SNTB1: variants seen among roughly 807,000 people sequenced by gnomAD.
The protein encoded by SNTB1 is syntrophin beta 1, also known as beta-1-syntrophin.
Under a neutral mutation model 48.9 loss-of-function variants are expected in SNTB1, and 36 were observed. That is an observed-to-expected ratio of 0.74 (90% confidence interval 0.56 to 0.97). The LOEUF (loss-of-function observed/expected upper bound fraction) is 0.97. Among genes scored for constraint, SNTB1 ranks in the 50% least tolerant of loss-of-function variants. The pLI is 0.00. For missense variants in SNTB1, 786 were observed against 703.4 expected (o/e 1.12, Z -1.33); for synonymous variants, 299 against 294.6 (o/e 1.01, Z -0.15).
At chr8:120,736,357 C>T (rs1220253310) in intron 1 of SNTB1, among the ~76,000 whole-genome samples, 1 of 152,102 alleles carries the variant, frequency 6.6e-6, no homozygotes, top group Non-Finnish European at 1.5e-5. Context: ...AGGCCCAGGA[C>T]AAAAGTTGAT....
At chr8:120,743,008 G>C (rs1819066457) in intron 1 of SNTB1, among the ~76,000 whole-genome samples, 1 of 152,198 alleles carries the variant, frequency 6.6e-6, no homozygotes, top group African/African-American at 2.4e-5. Flanking sequence ...CAAGTGTGCA[G>C]AAGTAAGATA....
At chr8:120,699,746 A>G (rs1041471544) in intron 1 of SNTB1, among the ~76,000 whole-genome samples, 1 of 152,156 alleles carries the variant, frequency 6.6e-6, no homozygotes, top group Non-Finnish European at 1.5e-5. Context: ...TTTTTTCTTT[A>G]TTCTTGACAG....
At chr8:120,756,471 C>T (rs1819320011) in intron 1 of SNTB1, among the ~76,000 whole-genome samples, 1 of 152,034 alleles carries the variant, frequency 6.6e-6, no homozygotes, top group African/African-American at 2.4e-5. Flanking sequence ...ACAGAGTGGG[C>T]TTTGGGAGGG....
At chr8:120,625,842 A>C (rs79761490) in intron 3 of SNTB1, among the ~76,000 whole-genome samples, 1,796 of 152,290 alleles carry the variant, frequency 0.012, 41 homozygotes, top group African/African-American at 0.04. Context: ...TTCTATTTCT[A>C]TCTCTTATCA....
At chr8:120,810,368 T>C (rs754261034) in intron 1 of SNTB1, among the ~76,000 whole-genome samples, 43 of 152,184 alleles carry the variant, frequency 2.8e-4, no homozygotes, top group Admixed American at 1.1e-3. Flanking sequence ...AACATAGCCA[T>C]GAACAGTGCA....
Position 120,605,665 on chromosome 8 carries a change from A to G in SNTB1, c.996+26779T>C, listed in dbSNP as rs572982192. Among the ~76,000 whole-genome samples, 3 of 152,198 alleles carry G rather than the reference A, an allele frequency of 2.0e-5. No homozygotes were observed. In the South Asian group the frequency reaches 6.2e-4, roughly 32 times the overall value. ...TCAAAACTGAGATTTATATAATGGG[A>G]ACCTTCTGAAATGATGACCTCACAT... On this transcript the variant is annotated intron_variant, in intron 3 of 6. Transcript: ENST00000517992.
intron 3 of SNTB1, among the ~76,000 whole-genome samples, chr8:120,629,319 G>T (rs1184499361): frequency 6.6e-6 from 1 of 152,178 alleles, no homozygotes; most frequent in Non-Finnish European, 1.5e-5. Context: ...TTTTAAAAAG[G>T]AAGTTGTTGT....
At chr8:120,722,899 C>T (rs1258499169) in intron 1 of SNTB1, among the ~76,000 whole-genome samples, 2 of 152,058 alleles carry the variant, frequency 1.3e-5, no homozygotes, top group Non-Finnish European at 2.9e-5. Flanking sequence ...GTCTTTAATC[C>T]ATCTTGAATT....
chr8:120,796,078 T>TC (rs978193499), intron 1 of SNTB1, among the ~76,000 whole-genome samples: 5 of 151,902 alleles, frequency 3.3e-5, no homozygotes, highest in Non-Finnish European at 7.4e-5. Flanking sequence ...GGGGTAGATT[T>TC]CCCCTTGCTG....
chr8:120,673,628 C>T (rs1336409602), intron 2 of SNTB1, among the ~76,000 whole-genome samples: 1 of 151,950 alleles, frequency 6.6e-6, no homozygotes, highest in Non-Finnish European at 1.5e-5. Flanking sequence ...TCTGCTTGGG[C>T]TATGATGGAC....
At chr8:120,644,431 C>A (rs1342118328) in intron 2 of SNTB1, among the ~76,000 whole-genome samples, 1 of 150,470 alleles carries the variant, frequency 6.6e-6, no homozygotes, top group Non-Finnish European at 1.5e-5. Context: ...TTTGTTCTTG[C>A]GATAGTTTAC....
intron 1 of SNTB1, chr8:120,765,875 C>T (rs1476508063): frequency 2.0e-5 from 3 of 152,080 alleles, no homozygotes; most frequent in African/African-American, 7.2e-5. Context: ...GTTGGTTGAA[C>T]TGAAGGAGAG....
intron 1 of SNTB1, among the ~76,000 whole-genome samples, chr8:120,788,934 A>G (rs890457487): frequency 5.9e-5 from 9 of 152,100 alleles, no homozygotes; most frequent in Non-Finnish European, 1.3e-4. Context: ...GAACTTCAGA[A>G]TACACATTCT....
chr8:120,803,192 A>G (rs903091224), intron 1 of SNTB1, among the ~76,000 whole-genome samples: 1 of 152,184 alleles, frequency 6.6e-6, no homozygotes, highest in Non-Finnish European at 1.5e-5. Context: ...GTAGTCGTTT[A>G]TAAAAAAGTA....
chr8:120,594,096 C>T (rs1388187592), intron 3 of SNTB1, among the ~76,000 whole-genome samples: 1 of 151,990 alleles, frequency 6.6e-6, no homozygotes, highest in East Asian at 1.9e-4. Context: ...CAGGGTCTTG[C>T]TCTGTCACCC....
chr8:120,615,841 C>T (rs1444682851), intron 3 of SNTB1, among the ~76,000 whole-genome samples: 2 of 151,840 alleles, frequency 1.3e-5, no homozygotes, highest in Non-Finnish European at 2.9e-5. Flanking sequence ...TTTATCTTTT[C>T]TTCTTTCTTT....
intron 2 of SNTB1, among the ~76,000 whole-genome samples, chr8:120,644,550 C>T (rs374425956): frequency 3.9e-5 from 6 of 152,068 alleles, no homozygotes; most frequent in South Asian, 2.1e-4. Context: ...ATTTTCTTAA[C>T]CCAGTCTATC....
At chr8:120,563,290 C>CTT (rs11453370) in intron 4 of SNTB1, among the ~76,000 whole-genome samples, 27 of 146,850 alleles carry the variant, frequency 1.8e-4, no homozygotes, top group African/African-American at 4.2e-4. Context: ...GTGAGCATAC[C>CTT]TTTTTTTTTT....
intron 2 of SNTB1, among the ~76,000 whole-genome samples, chr8:120,688,078 T>C (rs910928532): frequency 1.6e-4 from 24 of 152,232 alleles, no homozygotes; most frequent in Non-Finnish European, 3.5e-4. Flanking sequence ...GACAGCACTT[T>C]CTGTGAATGT....
Sources: allele counts gnomAD v4.1 joint callset (sites outside exome capture counted in the v4.1 genomes callset), GRCh38; gene constraint gnomAD v4.1.1; transcripts MANE v1.5; gene names NCBI Gene and HGNC (gene_info 2026-07-23, HGNC 2026-07-21).